Variants in SCEL observed in about 807,000 individuals in gnomAD.
The protein encoded by SCEL is sciellin.
Under a neutral mutation model 117.6 loss-of-function variants are expected in SCEL, and 113 were observed. The ratio of observed to expected loss-of-function variants is 0.96; its 90% confidence interval spans 0.83 to 1.12. The LOEUF (loss-of-function observed/expected upper bound fraction) is 1.12. SCEL is among the 50% of genes most tolerant of loss of function. The pLI is 0.00. For missense variants in SCEL, 785 were observed against 810.8 expected, an observed-to-expected ratio of 0.97 and a Z score of 0.39; for synonymous variants, 270 against 256.2, an observed-to-expected ratio of 1.05 and a Z score of -0.51.
intron 5 of SCEL, among the ~76,000 whole-genome samples, chr13:77,564,880 A>G (rs893091858): frequency 1.3e-5 from 2 of 152,182 alleles, no homozygotes; most frequent in African/African-American, 4.8e-5. Context: ...CTGGTATCCT[A>G]AAGAGTTGGT....
intron 9 of SCEL, among the ~76,000 whole-genome samples, chr13:77,583,496 C>T (rs1015847410): frequency 6.6e-5 from 10 of 152,166 alleles, no homozygotes; most frequent in South Asian, 2.1e-4. Flanking sequence ...TGCCCAGTTA[C>T]GGCTCATATA....
At chr13:77,564,197 T>G (rs2085153427) in intron 5 of SCEL, among the ~76,000 whole-genome samples, 2 of 151,758 alleles carry the variant, frequency 1.3e-5, no homozygotes, top group African/African-American at 2.4e-5. Flanking sequence ...ATAGGTTTTT[T>G]TTTTTTTTTT....
chr13:77,619,632 C>T lies in SCEL; in HGVS notation c.1628+1572C>T, dbSNP rs144170505. Among the ~76,000 whole-genome samples the T allele has an allele frequency of 3.1e-4, 47 of 152,246 alleles. No homozygotes were observed. In the East Asian group the frequency reaches 8.5e-3, roughly 27 times the overall value. ...GAGGAAAGAAAACACTTGCTGCATG[C>T]GGATTTTCTAAAAGCTGAAATAACA... is the stretch of plus-strand genomic sequence containing the variant. On this transcript the variant is annotated intron_variant, in intron 27 of 32. Transcript: ENST00000349847.
intron 27 of SCEL, 37 bp from the exon 28 acceptor site, chr13:77,627,910 G>C: frequency 1.2e-6 from 1 of 842,890 alleles, no homozygotes. Context: ...CTATCATTAT[G>C]TTGTAATTAT....
chr13:77,608,342 G>A (rs2088381408), intron 20 of SCEL, among the ~76,000 whole-genome samples: 1 of 152,216 alleles, frequency 6.6e-6, no homozygotes, highest in Non-Finnish European at 1.5e-5. Context: ...GCTCACGCCT[G>A]TAATCCCAGC....
intron 32 of SCEL, among the ~76,000 whole-genome samples, chr13:77,643,964 A>G (rs188811452): frequency 6.6e-6 from 1 of 152,062 alleles, no homozygotes; most frequent in East Asian, 1.9e-4. Context: ...TTACCAAAAG[A>G]CTCAGAAGTT....
intron 9 of SCEL, among the ~76,000 whole-genome samples, chr13:77,584,931 T>C (rs1034301229): frequency 6.6e-5 from 10 of 152,218 alleles, no homozygotes; most frequent in South Asian, 2.1e-4. Context: ...GGAAGACTAT[T>C]TCCATGTAAA....
intron 28 of SCEL, among the ~76,000 whole-genome samples, chr13:77,633,442 CAAAAAA>C (rs59939208): frequency 0.038 from 1,147 of 29,996 alleles, 32 homozygotes; most frequent in East Asian, 0.11. Flanking sequence ...GACTCCGCCT[CAAAAAA>C]AAAAAAAAAA....
chr13:77,641,265 A>G (rs2090545734), intron 31 of SCEL, among the ~76,000 whole-genome samples: 2 of 152,188 alleles, frequency 1.3e-5, no homozygotes, highest in Admixed American at 1.3e-4. Flanking sequence ...CTCAATAAAT[A>G]CTAATAAAGC....
chr13:77,614,822 G>A (rs1331194340), intron 24 of SCEL, among the ~76,000 whole-genome samples: 3 of 152,068 alleles, frequency 2.0e-5, no homozygotes, highest in African/African-American at 7.2e-5. Flanking sequence ...TGATCTCTTA[G>A]GCAGTGAATA....
chr13:77,538,364 G>A (rs1441279658), intron 1 of SCEL, among the ~76,000 whole-genome samples: 1 of 152,120 alleles, frequency 6.6e-6, no homozygotes, highest in Non-Finnish European at 1.5e-5. Context: ...TGATGTACCC[G>A]CCTTGGTCTC....
rs147455988 is a variant in SCEL, at chr13:77,616,794, A to G, written c.1452-805A>G. Among the ~76,000 whole-genome samples, 771 of 151,788 alleles carry G rather than the reference A, an allele frequency of 5.1e-3. 8 individuals carry two copies. Among genetic ancestry groups the G allele is most frequent in the African/African-American group, 0.018 (734 of 41,392 alleles). ...AATGTATTTTATTTTTATATAAGGA[A>G]AAAGCATTGTTGTGGTGAGAGGTAC... On this transcript the variant is annotated intron_variant, in intron 24 of 32. Coordinates refer to ENST00000349847, the MANE Select transcript of SCEL (RefSeq NM_144777.3).
At chr13:77,554,000 A>G (rs898285024) in intron 1 of SCEL, among the ~76,000 whole-genome samples, 2 of 152,142 alleles carry the variant, frequency 1.3e-5, no homozygotes, top group East Asian at 1.9e-4. Flanking sequence ...GGTAATGGTC[A>G]TGATGAATAC....
At chr13:77,553,052 C>T (rs889803110) in intron 1 of SCEL, among the ~76,000 whole-genome samples, 9 of 152,254 alleles carry the variant, frequency 5.9e-5, no homozygotes, top group Middle Eastern at 3.4e-3. Context: ...ACAAGAGCCT[C>T]GTTTTAACTT....
At chr13:77,611,437 C>T (rs2154403070) in intron 22 of SCEL, among the ~76,000 whole-genome samples, 1 of 152,222 alleles carries the variant, frequency 6.6e-6, no homozygotes, top group Non-Finnish European at 1.5e-5. Context: ...TATATTAATA[C>T]AACTTTATTT....
intron 19 of SCEL, among the ~76,000 whole-genome samples, chr13:77,605,720 T>C (rs2088111248): frequency 6.6e-6 from 1 of 152,194 alleles, no homozygotes; most frequent in South Asian, 2.1e-4. Flanking sequence ...AAAATAATAT[T>C]TCCAGGCCGA....
At chr13:77,537,874 C>T (rs532187911) in intron 1 of SCEL, among the ~76,000 whole-genome samples, 44 of 152,296 alleles carry the variant, frequency 2.9e-4, no homozygotes, top group East Asian at 7.7e-4. Flanking sequence ...GTATCTTATA[C>T]GGTTCAGGCA....
At chr13:77,543,899 C>T (rs181196548) in intron 1 of SCEL, among the ~76,000 whole-genome samples, 1 of 152,188 alleles carries the variant, frequency 6.6e-6, no homozygotes, top group East Asian at 1.9e-4. Flanking sequence ...CCCAACTGGG[C>T]GATTCACTAG....
At chr13:77,604,290 C>A in intron 18 of SCEL, 66 bp from the exon 19 acceptor site, 1 of 972,286 alleles carries the variant, frequency 1.0e-6, no homozygotes, top group Non-Finnish European at 1.5e-6. Flanking sequence ...ATTTTTCCAG[C>A]CATTATTCAT....
Sources: allele counts gnomAD v4.1 joint callset (sites outside exome capture counted in the v4.1 genomes callset), GRCh38; gene constraint gnomAD v4.1.1; transcripts MANE v1.5; gene names NCBI Gene and HGNC (gene_info 2026-07-23, HGNC 2026-07-21).